Variants in ARHGEF11 observed in about 807,000 individuals in gnomAD.
ARHGEF11 encodes the protein Rho guanine exchange factor (GEF) 11.
Under a neutral mutation model 193.7 loss-of-function variants are expected in ARHGEF11, and 55 were observed. The observed-to-expected ratio is 0.28, with a 90% CI of 0.23 to 0.36. The LOEUF is 0.36. Among genes scored for constraint, ARHGEF11 ranks in the 10% least tolerant of loss-of-function variants. The probability of loss-of-function intolerance (pLI) is 1.00; values close to 1 mark genes in which losing one functional copy is unlikely to be tolerated. For missense variants in ARHGEF11, 1,723 were observed against 2,005.6 expected, an observed-to-expected ratio of 0.86 and a Z score of 2.69; for synonymous variants, 693 against 768.0, an observed-to-expected ratio of 0.90 and a Z score of 1.62.
At chr1:157,013,441 A>G (rs1668817328) in intron 1 of ARHGEF11, among the ~76,000 whole-genome samples, 1 of 151,744 alleles carries the variant, frequency 6.6e-6, no homozygotes, top group African/African-American at 2.4e-5. Context: ...TCAAGCCCCT[A>G]TGAATTCCTC....
intron 1 of ARHGEF11, among the ~76,000 whole-genome samples, chr1:157,013,263 T>TCACACACACACACACACACACA (rs71084208): frequency 5.0e-5 from 7 of 140,806 alleles, no homozygotes; most frequent in Admixed American, 1.4e-4. Flanking sequence ...CCACTATCAC[T>TCACACACACACACACACACACA]CACACACACA....
chr1:157,009,059 T>C (rs999108392), intron 1 of ARHGEF11, among the ~76,000 whole-genome samples: 2 of 152,240 alleles, frequency 1.3e-5, no homozygotes, highest in Admixed American at 1.3e-4. Context: ...AAAGTCAGAC[T>C]GCCCAGTATA....
chr1:157,026,236 G>A (rs1184305522), intron 1 of ARHGEF11, among the ~76,000 whole-genome samples: 6 of 152,124 alleles, frequency 3.9e-5, no homozygotes, highest in African/African-American at 9.7e-5. Context: ...TACCACTTTG[G>A]GAGATTCTTT....
At chr1:156,946,809 G>T (rs376465660) in intron 27 of ARHGEF11, 22 bp from the exon 28 acceptor site, 1 of 1,613,866 alleles carries the variant, frequency 6.2e-7, no homozygotes, top group African/African-American at 1.3e-5. Context: ...GAATGGACAC[G>T]GGGCCAGGCA....
intron 2 of ARHGEF11, 187 bp downstream of exon 2, chr1:156,985,895 T>C (rs1664851147): frequency 1.9e-6 from 1 of 523,408 alleles, no homozygotes; most frequent in East Asian, 3.3e-5. Flanking sequence ...AACCTGGTAG[T>C]TCCCTGCTCC....
Position 156,947,963 on chromosome 1 carries a change from G to A in ARHGEF11, c.2154-7C>T, listed in dbSNP as rs1283921071. On this transcript the variant is annotated splice_polypyrimidine_tract_variant and splice_region_variant and intron_variant, in intron 24 of 40. Coordinates refer to ENST00000368194, the MANE Select transcript of ARHGEF11 (RefSeq NM_198236.3). ...ACTGGGGGACTCAATGCTCCTGGGG[G>A]AAAACAGGCAGCTCAGCTTCATTTA... 3.1e-6 allele frequency: 5 copies of A among 1,611,290 alleles called. No homozygotes were observed. The African/African-American group carries it at 4.0e-5, about 13-fold the overall frequency.
intron 35 of ARHGEF11, among the ~76,000 whole-genome samples, chr1:156,941,074 G>A (rs891021612): frequency 1.3e-5 from 2 of 150,434 alleles, no homozygotes; most frequent in African/African-American, 4.9e-5. Context: ...GCTGGAGGAT[G>A]CAGGGCCCGT....
At position 157,022,973 on chromosome 1, in the gene ARHGEF11, C is replaced by T. The variant is rs140454431; in HGVS notation, c.32+21326G>A. Among the ~76,000 whole-genome samples, 483 of 152,216 alleles carry T rather than the reference C, an allele frequency of 3.2e-3. 4 individuals carry two copies. Among genetic ancestry groups the T allele is most frequent in the African/African-American group, 0.011 (453 of 41,528 alleles). ...ATAAGCAAAAGTACGAAGTTGGACC[C>T]CTACCTCATACCATACATAAAAATT... On this transcript the variant is annotated intron_variant, in intron 1 of 40. Transcript: ENST00000368194.
At position 156,961,770 on chromosome 1, in the gene ARHGEF11, A is replaced by G; in HGVS notation, c.1146T>C (p.Phe382=). 1.2e-6 allele frequency: 2 copies of G among 1,614,140 alleles called. No homozygotes were observed. The highest frequency in any genetic ancestry group is 1.7e-6 in the Non-Finnish European group (2 of 1,179,970). The change falls in exon 14 of 41, where the codon TTT becomes TTC. Residue 382 remains phenylalanine (F), a synonymous_variant. Transcript: ENST00000368194. ...FSQADPSPLL[F]YLCAEVYQQA... ...GCTGATAAACTTCTGCACACAGGTA[A>G]AAAAGCTAGGAGGAGAGAGAACTGG...
intron 38 of ARHGEF11, 87 bp downstream of exon 38, chr1:156,938,331 T>C (rs1012492214): frequency 2.2e-5 from 28 of 1,275,074 alleles, no homozygotes; most frequent in Non-Finnish European, 3.0e-5. Context: ...GGTGTGTGTG[T>C]GACCATGGGC....
chr1:157,010,342 C>T (rs1007130283), intron 1 of ARHGEF11, among the ~76,000 whole-genome samples: 4 of 133,848 alleles, frequency 3.0e-5, no homozygotes, highest in Admixed American at 8.0e-5. Flanking sequence ...TGTGATCTTG[C>T]ATACAGAAAA....
intron 37 of ARHGEF11, chr1:156,938,773 A>T: frequency 2.2e-6 from 1 of 445,220 alleles, no homozygotes; most frequent in Non-Finnish European, 4.0e-6. Context: ...ATGGAATGAA[A>T]AATGCTGCTG....
chr1:156,945,700 G>C, intron 29 of ARHGEF11: 1 of 284,856 alleles, frequency 3.5e-6, no homozygotes, highest in Non-Finnish European at 6.8e-6. Flanking sequence ...GTGCACTGCA[G>C]GGGGCATGAA....
chr1:156,967,783 G>A (rs1661902345), intron 11 of ARHGEF11: 2 of 660,798 alleles, frequency 3.0e-6, no homozygotes, highest in South Asian at 1.9e-5. Context: ...CATAGAAATG[G>A]AGCCAGCCTT....
At chr1:156,986,018 TG>T in intron 2 of ARHGEF11, 63 bp downstream of exon 2, 1 of 1,398,886 alleles carries the variant, frequency 7.1e-7, no homozygotes, top group Non-Finnish European at 1.0e-6. Flanking sequence ...CCCAAGTAGC[TG>T]GGAATACAGG....
intron 15 of ARHGEF11, among the ~76,000 whole-genome samples, chr1:156,959,943 C>CCCCACAA (rs1553204878): frequency 1.0e-5 from 1 of 97,100 alleles, no homozygotes; most frequent in African/African-American, 3.9e-5. Flanking sequence ...CCCCCCCCCC[C>CCCCACAA]AAAAAAAACA....
chr1:156,969,211 A>G, intron 10 of ARHGEF11, 71 bp downstream of exon 10: 2 of 1,282,628 alleles, frequency 1.6e-6, no homozygotes, highest in South Asian at 2.5e-5. Flanking sequence ...GCTGGTAGGC[A>G]GCAGAACTTG....
chr1:156,967,652 A>T (rs1368904057), intron 11 of ARHGEF11, among the ~76,000 whole-genome samples: 1 of 152,168 alleles, frequency 6.6e-6, no homozygotes, highest in Non-Finnish European at 1.5e-5. Flanking sequence ...GAACGGGGAA[A>T]CTGAAAATTA....
At chr1:157,010,785 G>A (rs199692039) in intron 1 of ARHGEF11, among the ~76,000 whole-genome samples, 1 of 151,984 alleles carries the variant, frequency 6.6e-6, no homozygotes, top group South Asian at 2.1e-4. Flanking sequence ...ATTAATAGCG[G>A]CAAAAAGAAT....
Sources: gnomAD v4.1 joint callset for allele counts (sites outside exome capture counted in the v4.1 genomes callset) on GRCh38, gnomAD v4.1.1 for gene constraint, MANE v1.5 for transcripts, NCBI Gene and HGNC (gene_info 2026-07-23, HGNC 2026-07-21) for gene names.